The following TET1 variants were observed in gnomAD, a reference collection of about 807,000 sequenced individuals.
The protein encoded by TET1 is methylcytosine dioxygenase TET1.
Under a neutral mutation model 148.7 loss-of-function variants are expected in TET1, and 13 were observed. The observed-to-expected ratio is 0.09, with a 90% CI of 0.06 to 0.14. TET1 has a LOEUF of 0.14. Among genes scored for constraint, TET1 ranks in the 10% least tolerant of loss-of-function variants. TET1 has a pLI of 1.00. For missense variants in TET1, 2,182 were observed against 2,553.8 expected, an observed-to-expected ratio of 0.85 and a Z score of 3.14; for synonymous variants, 907 against 937.2, an observed-to-expected ratio of 0.97 and a Z score of 0.59.
chr10:68,584,126 G>A (rs183237859), intron 2 of TET1, among the ~76,000 whole-genome samples: 33 of 149,370 alleles, frequency 2.2e-4, no homozygotes, highest in African/African-American at 6.6e-4. Flanking sequence ...TGCAACCTCC[G>A]CCTCCCAGGT....
chr10:68,690,663 T>C, intron 11 of TET1, 145 bp from the exon 12 acceptor site: 1 of 589,092 alleles, frequency 1.7e-6, no homozygotes, highest in Non-Finnish European at 2.7e-6. Flanking sequence ...GTTTGTGATT[T>C]GAAATGAACA....
intron 3 of TET1, among the ~76,000 whole-genome samples, chr10:68,612,947 G>A (rs1363899766): frequency 6.6e-6 from 1 of 152,092 alleles, no homozygotes; most frequent in Non-Finnish European, 1.5e-5. Context: ...AATCCTTTAA[G>A]GGTAGAGTAG....
Position 68,646,467 on chromosome 10 carries a change from A to G in TET1, c.3738A>G (p.Arg1246=), listed in dbSNP as rs1456416519. 6.2e-7 allele frequency: 1 copy of G among 1,614,180 alleles called. No homozygotes were observed. The highest frequency in any genetic ancestry group is 2.2e-5 in the East Asian group (1 of 44,880). ...CACTCACTCAGATAAAATTACAGAG[A>G]TATCCTGAATCAGCAGAGGAAAAGG... The part of the protein sequence containing the change: ...FPPLTQIKLQ[R]YPESAEEKVK... The change falls in exon 4 of 12, where the codon AGA becomes AGG. Residue 1246 remains arginine, a synonymous_variant. Transcript: ENST00000373644.
chr10:68,564,613 G>C (rs1032852077), intron 1 of TET1, among the ~76,000 whole-genome samples: 25 of 151,988 alleles, frequency 1.6e-4, no homozygotes, highest in Non-Finnish European at 1.5e-5. Context: ...TCCCTTCTTG[G>C]CCAATGATAG....
intron 4 of TET1, 104 bp downstream of exon 4, chr10:68,647,109 A>G: frequency 7.9e-7 from 1 of 1,265,156 alleles, no homozygotes; most frequent in Non-Finnish European, 1.1e-6. Flanking sequence ...TTTTTTCCCC[A>G]TTCTTATTCT....
intron 8 of TET1, among the ~76,000 whole-genome samples, chr10:68,679,202 AT>A (rs2055403977): frequency 1.3e-5 from 2 of 152,120 alleles, no homozygotes; most frequent in African/African-American, 4.8e-5. Flanking sequence ...AAGATGAAAA[AT>A]AATAAAATAA....
At chr10:68,686,827 C>A (rs921365917) in intron 11 of TET1, 120 bp downstream of exon 11, 2 of 915,636 alleles carry the variant, frequency 2.2e-6, no homozygotes, top group Non-Finnish European at 1.6e-6. Flanking sequence ...TTTACATATA[C>A]CAGAACCAAA....
rs770299942 is a variant in TET1 at position 68,646,695 on chromosome 10, G to A, written c.3966G>A (p.Gln1322=). ...VMAGDDQIRF[Q]QVVKEQLMHQ... Reference sequence around the variant, plus strand: ...CAGGCGATGACCAAATACGGTTTCAGCAGGTTGTTAAGGAGCAACTCATGC... The same window carrying A: ...CAGGCGATGACCAAATACGGTTTCAACAGGTTGTTAAGGAGCAACTCATGC... The change falls in exon 4 of 12, where the codon CAG becomes CAA. Residue 1322 remains glutamine (Q), a synonymous_variant. Coordinates refer to ENST00000373644, the MANE Select transcript of TET1 (RefSeq NM_030625.3). 6.2e-7 allele frequency: 1 copy of A among 1,614,134 alleles called. No individual in the cohort carries two copies. The highest frequency in any genetic ancestry group is 1.1e-5 in the South Asian group (1 of 91,080).
At chr10:68,638,253 G>A (rs2054684717) in intron 3 of TET1, among the ~76,000 whole-genome samples, 1 of 152,156 alleles carries the variant, frequency 6.6e-6, no homozygotes, top group South Asian at 2.1e-4. Flanking sequence ...GGTTGTCTCT[G>A]AGTTTTTTCC....
chr10:68,567,972 A>G (rs1034809016), intron 1 of TET1, among the ~76,000 whole-genome samples: 2 of 151,004 alleles, frequency 1.3e-5, no homozygotes. Context: ...TCTGTCTGCC[A>G]GGTTCAAGTG....
chr10:68,624,691 TC>T (rs2054446469), intron 3 of TET1, among the ~76,000 whole-genome samples: 9 of 129,762 alleles, frequency 6.9e-5, no homozygotes, highest in South Asian at 2.6e-4. Context: ...TCTCTCTCTC[TC>T]TCTCTTTCTT....
chr10:68,601,255 A>G (rs755930098), intron 3 of TET1, among the ~76,000 whole-genome samples: 1 of 152,180 alleles, frequency 6.6e-6, no homozygotes, highest in Non-Finnish European at 1.5e-5. Context: ...TCAAGTCTAC[A>G]GAAAGAAAAG....
chr10:68,688,239 A>C (rs2055541707), intron 11 of TET1, among the ~76,000 whole-genome samples: 2 of 151,956 alleles, frequency 1.3e-5, no homozygotes, highest in African/African-American at 4.8e-5. Context: ...CTGGGATTAC[A>C]GGTGCCCGCC....
chr10:68,580,313 ATTTTTTTTTTTT>A (rs1163318028), intron 2 of TET1, among the ~76,000 whole-genome samples: 16 of 60,402 alleles, frequency 2.6e-4, no homozygotes, highest in Admixed American at 5.3e-4. Context: ...ATTATATTCA[ATTTTTTTTTTTT>A]TTTTTTTTTT....
chr10:68,610,174 T>A (rs978868659), intron 3 of TET1, among the ~76,000 whole-genome samples: 15 of 151,780 alleles, frequency 9.9e-5, no homozygotes, highest in African/African-American at 3.4e-4. Flanking sequence ...TCCCAGCTAC[T>A]TGGGAGGCTG....
intron 2 of TET1, among the ~76,000 whole-genome samples, chr10:68,595,600 C>CA (rs2053968065): frequency 7.5e-6 from 1 of 132,618 alleles, no homozygotes; most frequent in African/African-American, 2.6e-5. Context: ...AACACACACA[C>CA]ACACACAGCT....
chr10:68,593,053 G>C (rs951308157), intron 2 of TET1, among the ~76,000 whole-genome samples: 2 of 151,834 alleles, frequency 1.3e-5, no homozygotes, highest in Non-Finnish European at 2.9e-5. Flanking sequence ...GGCCAACATA[G>C]TGAAATCTCT....
chr10:68,610,710 T>G (rs1203769085), intron 3 of TET1, among the ~76,000 whole-genome samples: 1 of 151,824 alleles, frequency 6.6e-6, no homozygotes, highest in Non-Finnish European at 1.5e-5. Context: ...CAGGCTAGAG[T>G]GTAGTGGTGT....
At position 68,611,683 on chromosome 10, in the gene TET1, CT is replaced by C. The variant is rs1160859275; in HGVS notation, c.1968+10653del. On this transcript the variant is annotated intron_variant, in intron 3 of 11. Transcript: ENST00000373644. ...TCTTTTCTTTTCTTTTCTTTCTTTT[CT>C]TTTCTTTTCTTTTCTTTTTCTTTCT... Among the ~76,000 whole-genome samples the C allele has an allele frequency of 9.4e-4, 139 of 147,970 alleles. No individual in the cohort carries two copies. The Middle Eastern group carries it at 0.014, about 15-fold the overall frequency.
Sources: gnomAD v4.1 joint callset for allele counts (sites outside exome capture counted in the v4.1 genomes callset) on GRCh38, gnomAD v4.1.1 for gene constraint, MANE v1.5 for transcripts, NCBI Gene and HGNC (gene_info 2026-07-23, HGNC 2026-07-21) for gene names.